Variants in LRRN2 observed in about 807,000 individuals in gnomAD.
LRRN2 encodes the protein leucine-rich repeat neuronal protein 2.
Under a neutral mutation model 35.7 loss-of-function variants are expected in LRRN2, and 10 were observed. The observed-to-expected ratio is 0.28, with a 90% CI of 0.17 to 0.47. LRRN2 has a LOEUF of 0.47. Among genes scored for constraint, LRRN2 ranks in the 20% least tolerant of loss-of-function variants. The probability of loss-of-function intolerance (pLI) is 0.99; values close to 1 mark genes in which losing one functional copy is unlikely to be tolerated. For missense variants in LRRN2, 731 were observed against 940.3 expected (o/e 0.78, Z 2.91); for synonymous variants, 391 against 409.6 (o/e 0.95, Z 0.55).
intron 1 of LRRN2, among the ~76,000 whole-genome samples, chr1:204,639,238 C>T (rs1667924005): frequency 6.6e-6 from 1 of 152,250 alleles, no homozygotes; most frequent in Admixed American, 6.5e-5. Flanking sequence ...ATTCATTGAG[C>T]CCAATCCTGT....
chr1:204,647,163 A>T (rs1668124754), intron 1 of LRRN2, among the ~76,000 whole-genome samples: 1 of 152,246 alleles, frequency 6.6e-6, no homozygotes, highest in Admixed American at 6.5e-5. Context: ...GTTAAAAAAA[A>T]AAAAAAAAGG....
intron 1 of LRRN2, among the ~76,000 whole-genome samples, chr1:204,674,051 C>G (rs947598973): frequency 1.3e-5 from 2 of 152,154 alleles, no homozygotes; most frequent in African/African-American, 4.8e-5. Context: ...GTCAGCCCCC[C>G]ATGCCTGCCC....
chr1:204,639,601 C>T lies in LRRN2; in HGVS notation c.-226-19383G>A, dbSNP rs79967994. Among the ~76,000 whole-genome samples the T allele has an allele frequency of 6.0e-3, 908 of 152,282 alleles. 12 individuals carry two copies. Among genetic ancestry groups the T allele is most frequent in the African/African-American group, 0.02 (850 of 41,554 alleles). ...CTATAGTGAGCTAAGAATGCACCAT[C>T]GCACTCCAAGCTTGGGTGACAGAAG... On this transcript the variant is annotated intron_variant, in intron 1 of 1. Coordinates refer to ENST00000367177, the MANE Select transcript of LRRN2 (RefSeq NM_201630.2).
chr1:204,647,799 T>C (rs1200635403), intron 1 of LRRN2, among the ~76,000 whole-genome samples: 1 of 152,236 alleles, frequency 6.6e-6, no homozygotes, highest in African/African-American at 2.4e-5. Context: ...GTATTTGCAA[T>C]GTGGCCAGTC....
intron 1 of LRRN2, among the ~76,000 whole-genome samples, chr1:204,674,300 GCCTCC>G (rs1395951949): frequency 1.5e-5 from 2 of 135,702 alleles, no homozygotes; most frequent in Non-Finnish European, 3.2e-5. Flanking sequence ...CCCCCTCACT[GCCTCC>G]CCTCCCCTCC....
chr1:204,618,925 C>G lies in LRRN2; in HGVS notation c.1068G>C (p.Glu356Asp). 2 of 1,614,170 alleles carry G rather than the reference C, an allele frequency of 1.2e-6. No individual in the cohort carries two copies. The highest frequency in any genetic ancestry group is 1.7e-6 in the Non-Finnish European group (2 of 1,180,028). The change falls in exon 2 of 2, where the codon GAG becomes GAC. Residue 356 changes from glutamate (E) to aspartate (D), a missense_variant. Around this residue, in one of 3 missense-constraint regions of LRRN2, gnomAD observed 256 missense variants for 392.4 expected, o/e 0.65. Transcript: ENST00000367177. ...CTACCTCCTGCAGGTTGGGCAGGGA[C>G]TCCACCGTCTGCTGGTGCAAGGCAC... ...ALSALHQQTVESLPNLQEVGL... is the reference protein window; with the variant it reads ...ALSALHQQTVDSLPNLQEVGL...
chr1:204,632,966 A>G (rs1667747461), intron 1 of LRRN2, among the ~76,000 whole-genome samples: 1 of 152,094 alleles, frequency 6.6e-6, no homozygotes, highest in African/African-American at 2.4e-5. Flanking sequence ...TGTATTCACA[A>G]TCCTATGTTG....
intron 1 of LRRN2, among the ~76,000 whole-genome samples, chr1:204,641,005 GAAAAA>G (rs58950375): frequency 7.0e-6 from 1 of 141,956 alleles, no homozygotes; most frequent in Non-Finnish European, 1.5e-5. Context: ...GGTTAAAAAA[GAAAAA>G]AAAAAAACAA....
intron 1 of LRRN2, among the ~76,000 whole-genome samples, chr1:204,649,630 T>C (rs996587964): frequency 3.3e-5 from 5 of 152,210 alleles, no homozygotes; most frequent in African/African-American, 1.2e-4. Context: ...TGAAGGGCCG[T>C]GAGTTCCTCC....
At chr1:204,675,798 A>T (rs1449428184) in intron 1 of LRRN2, among the ~76,000 whole-genome samples, 1 of 152,228 alleles carries the variant, frequency 6.6e-6, no homozygotes, top group Non-Finnish European at 1.5e-5. Context: ...ACTTCTGTAA[A>T]TGTTTGAAAG....
intron 1 of LRRN2, among the ~76,000 whole-genome samples, chr1:204,638,941 G>A (rs1667914108): frequency 6.6e-6 from 1 of 152,250 alleles, no homozygotes; most frequent in African/African-American, 2.4e-5. Context: ...GGCTCCGTGA[G>A]CCTGCTGAAT....
At position 204,646,623 on chromosome 1, in the gene LRRN2, A is replaced by G. The variant is rs1668114129; in HGVS notation, c.-226-26405T>C. Among the ~76,000 whole-genome samples, 5 of 152,206 alleles carry G rather than the reference A, an allele frequency of 3.3e-5. No homozygotes were observed. In the South Asian group the frequency reaches 1.0e-3, roughly 32 times the overall value. ...CAGGCAAGATTCATGGGCCAGTCCA[A>G]ACTGAGATGTGCTGGACAAGTCAAT... On this transcript the variant is annotated intron_variant, in intron 1 of 1. Transcript: ENST00000367177.
chr1:204,648,627 C>T (rs996611126), intron 1 of LRRN2, among the ~76,000 whole-genome samples: 5 of 152,322 alleles, frequency 3.3e-5, no homozygotes, highest in African/African-American at 1.2e-4. Flanking sequence ...GCCTCGCCCC[C>T]CCACCCAACC....
chr1:204,619,072 C>T lies in LRRN2; in HGVS notation c.921G>A (p.Val307=). Residue 307 remains valine, a synonymous_variant, in exon 2 of 2, where the codon GTG becomes GTA. Coordinates refer to ENST00000367177, the MANE Select transcript of LRRN2 (RefSeq NM_201630.2). ...ELVSIDKFAL[V]NLPELTKLDI... ...CCAGCTTGGTCAGCTCGGGGAGGTTCACCAGGGCAAACTTGTCGATGGAGA... is the reference window on the plus strand; with the variant it reads ...CCAGCTTGGTCAGCTCGGGGAGGTTTACCAGGGCAAACTTGTCGATGGAGA... 1 of 1,606,472 alleles carries T rather than the reference C, an allele frequency of 6.2e-7. No homozygotes were observed. The highest frequency in any genetic ancestry group is 8.5e-7 in the Non-Finnish European group (1 of 1,175,260).
intron 1 of LRRN2, among the ~76,000 whole-genome samples, chr1:204,645,956 GGAGA>G (rs370681748): frequency 3.3e-5 from 5 of 152,236 alleles, no homozygotes; most frequent in African/African-American, 1.2e-4. Flanking sequence ...ATTTGGGTGG[GGAGA>G]GAGAGCCAAA....
At chr1:204,652,271 G>A (rs1026937609) in intron 1 of LRRN2, among the ~76,000 whole-genome samples, 5 of 70,620 alleles carry the variant, frequency 7.1e-5, no homozygotes, top group Admixed American at 2.3e-4. Context: ...CCCCCCCCCC[G>A]CCCCCCCGCC....
At position 204,619,551 on chromosome 1, in the gene LRRN2, GAT is replaced by G; in HGVS notation, c.440_441del (p.Tyr147SerfsTer34). ...ATGCGGTAGAGCTGGTTGTGGTTGA[GAT>G]AGAGTTCCTGTAGGCTGGCCAGCCC... Reference protein sequence around the residue: ...FAGLASLQELYLNHNQLYRIA... With the variant: ...FAGLASLQELXLNHNQLYRIA... On this transcript the variant is annotated frameshift_variant, in exon 2 of 2. Transcript: ENST00000367177. LOFTEE classifies it high-confidence loss of function. The G allele has an allele frequency of 6.2e-7, 1 of 1,614,250 alleles. No homozygotes were observed. The highest frequency in any genetic ancestry group is 8.5e-7 in the Non-Finnish European group (1 of 1,180,046).
At chr1:204,643,326 C>A (rs1216775975) in intron 1 of LRRN2, among the ~76,000 whole-genome samples, 1 of 152,138 alleles carries the variant, frequency 6.6e-6, no homozygotes, top group African/African-American at 2.4e-5. Flanking sequence ...TGCATGCAAA[C>A]ATGTTTGTTT....
At chr1:204,622,300 C>G (rs1410360794) in intron 1 of LRRN2, 1 of 156,424 alleles carries the variant, frequency 6.4e-6, no homozygotes, top group African/African-American at 2.4e-5. Context: ...CTCAGCGGGC[C>G]AGAGGGGCTC....
Sources: gnomAD v4.1 joint callset for allele counts (sites outside exome capture counted in the v4.1 genomes callset) on GRCh38, gnomAD v4.1.1 for gene constraint, gnomAD v4.1.1 regional missense constraint, MANE v1.5 for transcripts, NCBI Gene and HGNC (gene_info 2026-07-23, HGNC 2026-07-21) for gene names.